PPP1R16B: variants seen among roughly 807,000 people sequenced by gnomAD.
The protein encoded by PPP1R16B is protein phosphatase 1 regulatory subunit 16B.
A neutral mutation model predicts 61.7 loss-of-function variants in PPP1R16B; 14 were observed. That is an observed-to-expected ratio of 0.23 (90% CI 0.15 to 0.35). PPP1R16B has a LOEUF of 0.35. Ranked by LOEUF, PPP1R16B falls within the 10% of genes least tolerant of loss-of-function variation. The probability of loss-of-function intolerance (pLI) is 1.00; values close to 1 mark genes in which losing one functional copy is unlikely to be tolerated. For synonymous variants in PPP1R16B, 266 were observed against 305.3 expected, an observed-to-expected ratio of 0.87 and a Z score of 1.34; for missense variants, 547 against 752.5, an observed-to-expected ratio of 0.73 and a Z score of 3.19.
chr20:38,909,693 G>A (rs2085473759), intron 10 of PPP1R16B, among the ~76,000 whole-genome samples: 2 of 152,208 alleles, frequency 1.3e-5, no homozygotes, highest in African/African-American at 4.8e-5. Context: ...TGTCTCAGAG[G>A]GACCCTGCTT....
intron 10 of PPP1R16B, among the ~76,000 whole-genome samples, chr20:38,915,512 G>A (rs910673114): frequency 7.2e-5 from 11 of 152,068 alleles, no homozygotes; most frequent in Admixed American, 2.6e-4. Context: ...TTGAGACGGA[G>A]TCTCACTTTA....
chr20:38,905,778 C>G (rs1168952329), intron 6 of PPP1R16B, among the ~76,000 whole-genome samples, 191 bp from the exon 7 acceptor site: 1 of 152,222 alleles, frequency 6.6e-6, no homozygotes, highest in East Asian at 1.9e-4. Context: ...GAATTCAGCT[C>G]TCTACCTTTC....
At chr20:38,883,679 C>G (rs2085220177) in intron 2 of PPP1R16B, among the ~76,000 whole-genome samples, 1 of 152,226 alleles carries the variant, frequency 6.6e-6, no homozygotes, top group Non-Finnish European at 1.5e-5. Context: ...GGGAGACTGC[C>G]TCTGTCTTTT....
At chr20:38,831,302 G>A (rs1327443304) in intron 1 of PPP1R16B, among the ~76,000 whole-genome samples, 1 of 152,190 alleles carries the variant, frequency 6.6e-6, no homozygotes, top group Non-Finnish European at 1.5e-5. Flanking sequence ...CACCCTCTGG[G>A]TCTCACGAGG....
chr20:38,870,609 C>G (rs904516678), intron 2 of PPP1R16B, among the ~76,000 whole-genome samples: 3 of 152,068 alleles, frequency 2.0e-5, no homozygotes, highest in Non-Finnish European at 4.4e-5. Context: ...GTGAAAGCCT[C>G]TGGTGGTTCA....
chr20:38,821,866 C>T (rs1377784369), intron 1 of PPP1R16B, among the ~76,000 whole-genome samples: 20 of 151,848 alleles, frequency 1.3e-4, no homozygotes, highest in Admixed American at 1.2e-3. Flanking sequence ...TGCCTTTTCT[C>T]TTGAGTTTGA....
intron 2 of PPP1R16B, among the ~76,000 whole-genome samples, chr20:38,865,584 C>T (rs1050657613): frequency 2.0e-5 from 3 of 152,288 alleles, no homozygotes; most frequent in Non-Finnish European, 4.4e-5. Flanking sequence ...AGCCGCCGCG[C>T]CCGGCCTGCT....
At chr20:38,914,837 T>A (rs991332344) in intron 10 of PPP1R16B, among the ~76,000 whole-genome samples, 3 of 152,144 alleles carry the variant, frequency 2.0e-5, no homozygotes, top group African/African-American at 7.2e-5. Context: ...CAGCTAATTT[T>A]TAAATATTTG....
At chr20:38,832,813 G>A (rs1217176026) in intron 1 of PPP1R16B, among the ~76,000 whole-genome samples, 1 of 151,788 alleles carries the variant, frequency 6.6e-6, no homozygotes, top group Non-Finnish European at 1.5e-5. Context: ...AGCTACTTGG[G>A]AGGCTGAGGT....
intron 2 of PPP1R16B, among the ~76,000 whole-genome samples, chr20:38,889,301 T>C (rs992954242): frequency 2.0e-5 from 3 of 152,256 alleles, no homozygotes; most frequent in Admixed American, 1.3e-4. Context: ...GAGTGTATGC[T>C]TTCAATGACT....
At position 38,832,108 on chromosome 20, in the gene PPP1R16B, T is replaced by G. The variant is rs1350981188; in HGVS notation, c.-101-3717T>G. Among the ~76,000 whole-genome samples the G allele has an allele frequency of 2.0e-5, 3 of 152,216 alleles. No individual in the cohort carries two copies. The East Asian group carries it at 5.8e-4, about 29-fold the overall frequency. On this transcript the variant is annotated intron_variant, in intron 1 of 10. Coordinates refer to ENST00000299824, the MANE Select transcript of PPP1R16B (RefSeq NM_015568.4). ...GTCCTGTATTCTGGAAAGCCTTCCTTGAGAACCCCGGGCAGACTGGCTCTT... is the reference window on the plus strand; with the variant it reads ...GTCCTGTATTCTGGAAAGCCTTCCTGGAGAACCCCGGGCAGACTGGCTCTT...
At chr20:38,899,959 C>G (rs923128362) in intron 4 of PPP1R16B, among the ~76,000 whole-genome samples, 2 of 152,082 alleles carry the variant, frequency 1.3e-5, no homozygotes, top group Non-Finnish European at 2.9e-5. Flanking sequence ...CCACGCCCCG[C>G]TAATTTTTGT....
In PPP1R16B at chr20:38,811,184, G is replaced by T. The variant is rs573211535; in HGVS notation, c.-102+5392G>T. On this transcript the variant is annotated intron_variant, in intron 1 of 10. Transcript: ENST00000299824. ...GGCAAGATGGTGGCTGAGCCCCACG[G>T]TGGCCCCAGGAAGGAATGAATGAAT... Among the ~76,000 whole-genome samples the T allele has an allele frequency of 2.2e-4, 34 of 152,248 alleles. No homozygotes were observed. In the South Asian group the frequency reaches 6.8e-3, roughly 31 times the overall value.
chr20:38,888,866 A>G (rs1001212386), intron 2 of PPP1R16B, among the ~76,000 whole-genome samples: 2 of 133,964 alleles, frequency 1.5e-5, no homozygotes, highest in Non-Finnish European at 1.6e-5. Flanking sequence ...CTGCCCACCC[A>G]GAATCCCTGA....
intron 1 of PPP1R16B, among the ~76,000 whole-genome samples, chr20:38,831,994 C>A (rs2084840428): frequency 6.6e-6 from 1 of 152,214 alleles, no homozygotes; most frequent in South Asian, 2.1e-4. Flanking sequence ...ACTCTGTACA[C>A]CTTTGAGCGC....
chr20:38,877,884 G>C (rs2085178602), intron 2 of PPP1R16B, among the ~76,000 whole-genome samples: 1 of 145,494 alleles, frequency 6.9e-6, no homozygotes, highest in Admixed American at 6.9e-5. Flanking sequence ...TTTTATATTT[G>C]AACATTCCTT....
In PPP1R16B at chr20:38,807,896, T is replaced by G. The variant is rs1252447147; in HGVS notation, c.-102+2104T>G. Among the ~76,000 whole-genome samples the G allele has an allele frequency of 9.9e-5, 15 of 151,984 alleles. 1 individual carries two copies. The highest frequency in any genetic ancestry group is 9.8e-4 in the Admixed American group (15 of 15,258). ...TTCATGTGTCAAGGGCCCCGTGCCA[T>G]CTGTGCTCTCCAGATCATCCATGGC... On this transcript the variant is annotated intron_variant, in intron 1 of 10. Transcript: ENST00000299824.
intron 2 of PPP1R16B, among the ~76,000 whole-genome samples, chr20:38,848,913 A>G (rs1308231240): frequency 6.6e-6 from 1 of 152,214 alleles, no homozygotes; most frequent in East Asian, 1.9e-4. Flanking sequence ...CTCCCATGAC[A>G]CAAGTTGACC....
At chr20:38,900,460 T>A (rs780751467) in intron 4 of PPP1R16B, 121 bp from the exon 5 acceptor site, 29 of 676,262 alleles carry the variant, frequency 4.3e-5, no homozygotes, top group Non-Finnish European at 6.7e-5. Flanking sequence ...GGGTACACCT[T>A]GGTGGGGTTT....
Sources: gnomAD v4.1 joint callset for allele counts (sites outside exome capture counted in the v4.1 genomes callset) on GRCh38, gnomAD v4.1.1 for gene constraint, MANE v1.5 for transcripts, NCBI Gene and HGNC (gene_info 2026-07-23, HGNC 2026-07-21) for gene names.